Variants in RAPGEF4 observed in about 807,000 individuals in gnomAD.
RAPGEF4 encodes the protein RAP guanine-nucleotide-exchange factor (GEF) 4.
A neutral mutation model predicts 147.9 loss-of-function variants in RAPGEF4; 66 were observed. The ratio of observed to expected loss-of-function variants is 0.45; its 90% CI spans 0.37 to 0.55. The LOEUF is 0.55. RAPGEF4 is among the 20% of genes least tolerant of loss of function. The pLI is 0.00. For missense variants in RAPGEF4, 1,071 were observed against 1,257.3 expected, an observed-to-expected ratio of 0.85 and a Z score of 2.24; for synonymous variants, 419 against 442.7, an observed-to-expected ratio of 0.95 and a Z score of 0.67.
At chr2:173,013,425 C>T (rs1386348425) in intron 17 of RAPGEF4, among the ~76,000 whole-genome samples, 2 of 152,204 alleles carry the variant, frequency 1.3e-5, no homozygotes, top group Non-Finnish European at 2.9e-5. Flanking sequence ...TGGAGCGACA[C>T]TTTCATCACA....
chr2:172,801,804 G>A (rs995531724), intron 3 of RAPGEF4, among the ~76,000 whole-genome samples: 11 of 152,190 alleles, frequency 7.2e-5, no homozygotes, highest in Non-Finnish European at 1.5e-4. Flanking sequence ...GGAATGCAGG[G>A]AGGAGCTTTC....
chr2:172,860,004 G>T, intron 4 of RAPGEF4: 1 of 984,580 alleles, frequency 1.0e-6, no homozygotes, highest in Non-Finnish European at 1.2e-6. Context: ...GGAGGGGTGG[G>T]GGACAACAAC....
chr2:172,988,585 C>G, intron 13 of RAPGEF4, 108 bp from the exon 14 acceptor site: 1 of 1,302,058 alleles, frequency 7.7e-7, no homozygotes, highest in South Asian at 1.4e-5. Flanking sequence ...CTAGGTACAG[C>G]CCATTTATCT....
At chr2:172,936,711 G>A (rs11680594) in intron 6 of RAPGEF4, among the ~76,000 whole-genome samples, 58,407 of 151,292 alleles carry the variant, frequency 0.39, 11,964 homozygotes, top group Middle Eastern at 0.5. Context: ...CTCTTCCTTC[G>A]TTCCTGATGT....
chr2:172,850,617 CAA>C lies in RAPGEF4; in HGVS notation c.444+36204_444+36205del, dbSNP rs542078730. 3.1e-5 allele frequency among the ~76,000 whole-genome samples: 4 copies of C among 129,246 alleles called. 1 individual carries two copies. 84.8% of individuals were successfully genotyped at this position (129,246 alleles called of 152,430 possible). On this transcript the variant is annotated intron_variant, in intron 4 of 30. Transcript: ENST00000397081. ...TGGGCCACAGAGCGAGACTCTGTCT[CAA>C]AAAAAAAAAAATTAACAGATATTAT...
At chr2:172,846,056 T>C (rs1692148010) in intron 4 of RAPGEF4, among the ~76,000 whole-genome samples, 1 of 152,234 alleles carries the variant, frequency 6.6e-6, no homozygotes, top group African/African-American at 2.4e-5. Flanking sequence ...CTGTAGCTTA[T>C]GACTCCCTTT....
intron 4 of RAPGEF4, among the ~76,000 whole-genome samples, chr2:172,893,299 G>A (rs1028984327): frequency 2.6e-5 from 4 of 152,210 alleles, no homozygotes; most frequent in Non-Finnish European, 4.4e-5. Context: ...AGACAGCCCC[G>A]TCCTGGGAGA....
intron 17 of RAPGEF4, 120 bp downstream of exon 17, chr2:173,001,464 C>A: frequency 8.1e-7 from 1 of 1,232,424 alleles, no homozygotes; most frequent in Non-Finnish European, 1.2e-6. Flanking sequence ...GTGCATTCCA[C>A]CCTCATCACA....
chr2:172,739,229 A>C (rs953650049), intron 1 of RAPGEF4, among the ~76,000 whole-genome samples: 6 of 152,136 alleles, frequency 3.9e-5, no homozygotes, highest in Non-Finnish European at 5.9e-5. Flanking sequence ...GCTCACCACT[A>C]TCTCAGGGAT....
chr2:172,923,125 T>C (rs543484165), intron 6 of RAPGEF4, among the ~76,000 whole-genome samples: 1 of 152,358 alleles, frequency 6.6e-6, no homozygotes, highest in East Asian at 1.9e-4. Flanking sequence ...GAATTCAATT[T>C]AGATTATTTC....
At chr2:172,832,258 A>G (rs1014788274) in intron 4 of RAPGEF4, among the ~76,000 whole-genome samples, 7 of 152,210 alleles carry the variant, frequency 4.6e-5, no homozygotes, top group Non-Finnish European at 7.3e-5. Flanking sequence ...AAGAGGTAGC[A>G]TAAAGCTCAT....
intron 4 of RAPGEF4, among the ~76,000 whole-genome samples, chr2:172,874,704 A>T (rs1428285214): frequency 6.6e-6 from 1 of 152,128 alleles, no homozygotes; most frequent in Non-Finnish European, 1.5e-5. Context: ...GCCGCAATAA[A>T]CATACATGTG....
intron 7 of RAPGEF4, 110 bp from the exon 8 acceptor site, chr2:172,961,012 G>A: frequency 1.0e-6 from 1 of 962,132 alleles, no homozygotes; most frequent in South Asian, 1.5e-5. Context: ...AGTGAGTTAT[G>A]TTTTCCAAGC....
intron 29 of RAPGEF4, among the ~76,000 whole-genome samples, chr2:173,037,577 T>C (rs1684205639): frequency 6.6e-6 from 1 of 152,232 alleles, no homozygotes; most frequent in Non-Finnish European, 1.5e-5. Flanking sequence ...AGCTGCATAG[T>C]GCATGCTGAT....
At chr2:172,822,695 A>G (rs952680043) in intron 4 of RAPGEF4, among the ~76,000 whole-genome samples, 1 of 152,172 alleles carries the variant, frequency 6.6e-6, no homozygotes, top group African/African-American at 2.4e-5. Flanking sequence ...GTGAATACTC[A>G]GGTCTTTGAG....
chr2:172,796,933 T>A (rs1201927185), intron 2 of RAPGEF4, among the ~76,000 whole-genome samples: 1 of 152,230 alleles, frequency 6.6e-6, no homozygotes, highest in Non-Finnish European at 1.5e-5. Context: ...TTGGTCTTAA[T>A]ATGATATGGG....
At chr2:173,007,104 G>A (rs1461834416) in intron 17 of RAPGEF4, among the ~76,000 whole-genome samples, 1 of 152,188 alleles carries the variant, frequency 6.6e-6, no homozygotes, top group Non-Finnish European at 1.5e-5. Context: ...AATAGGGAAA[G>A]TGAGCTTGAG....
chr2:172,910,010 C>G (rs553838158), intron 4 of RAPGEF4, among the ~76,000 whole-genome samples: 2 of 152,306 alleles, frequency 1.3e-5, no homozygotes, highest in African/African-American at 4.8e-5. Flanking sequence ...GGGCATGACC[C>G]TTGCTGCCAG....
Position 172,983,487 on chromosome 2 carries a change from TC to T in RAPGEF4, c.1005-8del. 6.3e-7 allele frequency: 1 copy of T among 1,575,846 alleles called. No homozygotes were observed. ...TTCCATATTCCTTTTTTTTTTTTTATCTTTGTAGACCTGGCCAGAGGACTGT... is the reference window on the plus strand; with the variant it reads ...TTCCATATTCCTTTTTTTTTTTTTATTTTGTAGACCTGGCCAGAGGACTGT... On this transcript the variant is annotated splice_region_variant and splice_polypyrimidine_tract_variant and intron_variant, in intron 10 of 30. Transcript: ENST00000397081.
Sources: allele counts gnomAD v4.1 joint callset (sites outside exome capture counted in the v4.1 genomes callset), GRCh38; gene constraint gnomAD v4.1.1; transcripts MANE v1.5; gene names NCBI Gene and HGNC (gene_info 2026-07-23, HGNC 2026-07-21).